The following UMAD1 variants were observed in gnomAD, a reference collection of about 807,000 sequenced individuals.
The protein encoded by UMAD1 is UBAP1-MVB12-associated (UMA) domain containing 1.
A neutral mutation model predicts 6.1 loss-of-function variants in UMAD1; 8 were observed. The observed-to-expected ratio is 1.30, with a 90% CI of 0.76 to 2.35. UMAD1 has a LOEUF of 2.35. Among genes scored for constraint, UMAD1 ranks in the 30% most tolerant of loss-of-function variants. UMAD1 has a pLI of 0.00. For missense variants in UMAD1, 130 were observed against 78.4 expected (o/e 1.66, Z -2.49); for synonymous variants, 56 against 31.4 (o/e 1.78, Z -2.61).
At chr7:7,759,015 T>C (rs761581385) in intron 2 of UMAD1, among the ~76,000 whole-genome samples, 8 of 152,220 alleles carry the variant, frequency 5.3e-5, no homozygotes, top group Non-Finnish European at 1.2e-4. Context: ...CATCATAAGA[T>C]TGAACTAGAT....
chr7:7,843,760 T>C (rs1353055531), intron 3 of UMAD1, among the ~76,000 whole-genome samples: 2 of 152,136 alleles, frequency 1.3e-5, no homozygotes, highest in Non-Finnish European at 2.9e-5. Context: ...ATAAAATCCT[T>C]TCCATCCAGG....
intron 3 of UMAD1, among the ~76,000 whole-genome samples, chr7:7,855,168 G>C (rs980715593): frequency 2.0e-5 from 3 of 152,230 alleles, no homozygotes; most frequent in African/African-American, 7.2e-5. Flanking sequence ...AGCTTTTCCA[G>C]GTGCATGGTG....
At chr7:7,782,957 G>T (rs1484907364) in intron 2 of UMAD1, among the ~76,000 whole-genome samples, 1 of 152,026 alleles carries the variant, frequency 6.6e-6, no homozygotes, top group African/African-American at 2.4e-5. Flanking sequence ...GGTCTTGAAC[G>T]CCTGACTTCA....
intron 3 of UMAD1, among the ~76,000 whole-genome samples, chr7:7,832,542 T>C (rs1783486938): frequency 6.6e-6 from 1 of 152,202 alleles, no homozygotes; most frequent in Non-Finnish European, 1.5e-5. Flanking sequence ...GATAGTGTTA[T>C]AGCCATTTGT....
intron 2 of UMAD1, among the ~76,000 whole-genome samples, chr7:7,771,146 G>A (rs180874189): frequency 5.5e-4 from 83 of 150,892 alleles, no homozygotes; most frequent in African/African-American, 1.9e-3. Context: ...TTCTTGGAAC[G>A]CTTTGAGGAC....
intron 2 of UMAD1, among the ~76,000 whole-genome samples, chr7:7,712,946 G>A (rs1185639461): frequency 6.6e-6 from 1 of 152,118 alleles, no homozygotes; most frequent in African/African-American, 2.4e-5. Flanking sequence ...TGTTTCTTTA[G>A]TGGGTAGCTT....
At chr7:7,743,895 A>G (rs1403352794) in intron 2 of UMAD1, among the ~76,000 whole-genome samples, 4 of 152,092 alleles carry the variant, frequency 2.6e-5, no homozygotes, top group African/African-American at 9.7e-5. Context: ...CCCCAGAGAA[A>G]CTATTTTTAA....
intron 3 of UMAD1, among the ~76,000 whole-genome samples, chr7:7,833,503 G>T (rs535508600): frequency 1.1e-4 from 16 of 152,266 alleles, no homozygotes; most frequent in Non-Finnish European, 2.1e-4. Context: ...TCTGCAGACT[G>T]TAGTAAGTAC....
chr7:7,741,093 G>A (rs954312060), intron 2 of UMAD1: 3 of 151,882 alleles, frequency 2.0e-5, no homozygotes, highest in Non-Finnish European at 2.9e-5. Flanking sequence ...AACCATTAAC[G>A]TAGCTAATAG....
chr7:7,719,870 C>T (rs74563317), intron 2 of UMAD1, among the ~76,000 whole-genome samples: 11,387 of 152,226 alleles, frequency 0.075, 532 homozygotes, highest in Non-Finnish European at 0.095. Flanking sequence ...GATGGTAAAT[C>T]AGTGTACTGT....
At chr7:7,654,648 A>G (rs903652066) in intron 1 of UMAD1, among the ~76,000 whole-genome samples, 6 of 152,138 alleles carry the variant, frequency 3.9e-5, no homozygotes, top group African/African-American at 1.2e-4. Flanking sequence ...CATGCTTGTA[A>G]TCCCAGCACT....
intron 3 of UMAD1, among the ~76,000 whole-genome samples, chr7:7,812,246 T>G (rs763059656): frequency 1.4e-4 from 22 of 152,168 alleles, no homozygotes; most frequent in Non-Finnish European, 2.6e-4. Context: ...AAACTGCACA[T>G]ATGGTGTGGG....
chr7:7,668,206 C>T (rs550755420), intron 1 of UMAD1, among the ~76,000 whole-genome samples: 1 of 152,248 alleles, frequency 6.6e-6, no homozygotes, highest in East Asian at 1.9e-4. Flanking sequence ...AGCCACCATG[C>T]CTGGTCCTAC....
chr7:7,855,285 C>G (rs545995783), intron 3 of UMAD1, among the ~76,000 whole-genome samples: 1 of 152,350 alleles, frequency 6.6e-6, no homozygotes, highest in South Asian at 2.1e-4. Context: ...GGGCTCCAAC[C>G]CCACATTTCC....
At chr7:7,719,161 T>C (rs1780991357) in intron 2 of UMAD1, among the ~76,000 whole-genome samples, 1 of 152,158 alleles carries the variant, frequency 6.6e-6, no homozygotes, top group South Asian at 2.1e-4. Flanking sequence ...ACCTTTAGGG[T>C]GAATTCAGAA....
At chr7:7,765,741 C>G (rs1781971565) in intron 2 of UMAD1, among the ~76,000 whole-genome samples, 1 of 152,104 alleles carries the variant, frequency 6.6e-6, no homozygotes, top group African/African-American at 2.4e-5. Context: ...TATTGAGCTT[C>G]AAACTCTCTG....
chr7:7,755,921 G>A lies in UMAD1; in HGVS notation c.83-45749G>A, dbSNP rs570434665. On this transcript the variant is annotated intron_variant, in intron 2 of 3. Coordinates refer to ENST00000682710, the MANE Select transcript of UMAD1 (RefSeq NM_001302348.2). ...GATTCTTATACAAGATATGGTGATGGTTATAAATATATGGACTGACACACA... is the reference window on the plus strand; with the variant it reads ...GATTCTTATACAAGATATGGTGATGATTATAAATATATGGACTGACACACA... Among the ~76,000 whole-genome samples, 5 of 152,288 alleles carry A rather than the reference G, an allele frequency of 3.3e-5. No homozygotes were observed. The East Asian group carries it at 9.6e-4, about 29-fold the overall frequency.
chr7:7,787,278 G>A (rs756819540), intron 2 of UMAD1, among the ~76,000 whole-genome samples: 3 of 110,222 alleles, frequency 2.7e-5, no homozygotes, highest in Non-Finnish European at 5.9e-5. Context: ...AACTTTAAAG[G>A]AGTAAATGTT....
chr7:7,725,987 CTT>C (rs1378244837), intron 2 of UMAD1, among the ~76,000 whole-genome samples: 1 of 152,228 alleles, frequency 6.6e-6, no homozygotes, highest in Non-Finnish European at 1.5e-5. Flanking sequence ...ATGGGCAGAA[CTT>C]TGAGCATTGC....
Sources: gnomAD v4.1 joint callset for allele counts (sites outside exome capture counted in the v4.1 genomes callset) on GRCh38, gnomAD v4.1.1 for gene constraint, MANE v1.5 for transcripts, NCBI Gene and HGNC (gene_info 2026-07-23, HGNC 2026-07-21) for gene names.